Variants in ZEB1 observed in about 807,000 individuals in gnomAD.
ZEB1 encodes the protein zinc finger E-box-binding homeobox 1.
In ZEB1, 21 loss-of-function variants were observed where a neutral mutation model predicts 84.9. That is an observed-to-expected ratio of 0.25 (90% confidence interval 0.18 to 0.36). The LOEUF (loss-of-function observed/expected upper bound fraction) is 0.36. ZEB1 is among the 10% of genes least tolerant of loss of function. The pLI is 1.00. For synonymous variants in ZEB1, 420 were observed against 471.1 expected (o/e 0.89, Z 1.41); for missense variants, 1,104 against 1,330.2 (o/e 0.83, Z 2.65).
rs553914158 is a variant in ZEB1, at chr10:31,449,145, C to T, written c.59-11892C>T. 7.7e-4 allele frequency among the ~76,000 whole-genome samples: 118 copies of T among 152,330 alleles called. 2 individuals are homozygous for T. The highest frequency in any genetic ancestry group is 2.6e-3 in the African/African-American group (110 of 41,580). On this transcript the variant is annotated intron_variant, in intron 1 of 8. Transcript: ENST00000424869. ...CCATTTTTTAAGCCAGTCTGAAAAG[C>T]GCAATATTCGGGTGGGAGTGACCCG...
intron 1 of ZEB1, among the ~76,000 whole-genome samples, chr10:31,409,572 A>T (rs1024488599): frequency 6.6e-6 from 1 of 152,062 alleles, no homozygotes; most frequent in East Asian, 1.9e-4. Flanking sequence ...CTTGATGGGG[A>T]TAACATTCAA....
At chr10:31,391,404 G>A (rs1235615794) in intron 1 of ZEB1, among the ~76,000 whole-genome samples, 1 of 152,086 alleles carries the variant, frequency 6.6e-6, no homozygotes, top group East Asian at 1.9e-4. Flanking sequence ...ACTCTAAGAA[G>A]GAAGGTATTG....
intron 1 of ZEB1, among the ~76,000 whole-genome samples, chr10:31,446,772 G>A (rs1230003886): frequency 6.6e-6 from 1 of 151,114 alleles, no homozygotes; most frequent in South Asian, 2.1e-4. Flanking sequence ...ACTGTGGTCT[G>A]AGAGATAGTT....
intron 1 of ZEB1, among the ~76,000 whole-genome samples, chr10:31,377,284 C>G (rs1003146854): frequency 6.6e-6 from 1 of 151,580 alleles, no homozygotes; most frequent in Non-Finnish European, 1.5e-5. Context: ...TGCTATCCTT[C>G]TACTTAGGCT....
chr10:31,485,627 ATTC>A (rs2065631351), intron 2 of ZEB1, among the ~76,000 whole-genome samples: 1 of 151,894 alleles, frequency 6.6e-6, no homozygotes, highest in Admixed American at 6.6e-5. Context: ...AAACACTCCT[ATTC>A]TTCTGGATTT....
intron 1 of ZEB1, among the ~76,000 whole-genome samples, chr10:31,337,460 A>G (rs1341359724): frequency 2.6e-5 from 4 of 152,100 alleles, no homozygotes; most frequent in Non-Finnish European, 5.9e-5. Flanking sequence ...AATTACTGAT[A>G]GTAATTTATG....
rs377262369 is a variant in ZEB1, at chr10:31,373,376, G to A, written c.58+54084G>A. On this transcript the variant is annotated intron_variant, in intron 1 of 8. Transcript: ENST00000424869. ...AGATAAGAGATTTTACATACTTAAT[G>A]TTGATAAATAGTATAAAAGTATGGA... 3.6e-4 allele frequency among the ~76,000 whole-genome samples: 54 copies of A among 151,882 alleles called. 1 individual carries two copies. In the Middle Eastern group the frequency reaches 0.014, roughly 38 times the overall value.
chr10:31,361,071 T>C, intron 1 of ZEB1: 2 of 1,611,794 alleles, frequency 1.2e-6, no homozygotes. Context: ...TCAGACTTCT[T>C]TTCTCTAAGA....
intron 8 of ZEB1, among the ~76,000 whole-genome samples, chr10:31,525,516 C>T (rs1317599228): frequency 1.3e-5 from 2 of 152,204 alleles, no homozygotes; most frequent in African/African-American, 4.8e-5. Context: ...CTCCAGCACA[C>T]TCCTGTGTCT....
intron 2 of ZEB1, among the ~76,000 whole-genome samples, chr10:31,489,072 G>A (rs993888125): frequency 6.6e-6 from 1 of 151,208 alleles, no homozygotes; most frequent in Non-Finnish European, 1.5e-5. Flanking sequence ...AGTATTAGAA[G>A]CCTGCAAGAA....
intron 1 of ZEB1, among the ~76,000 whole-genome samples, chr10:31,367,231 G>A (rs2044696767): frequency 6.6e-6 from 1 of 152,110 alleles, no homozygotes; most frequent in Non-Finnish European, 1.5e-5. Context: ...TCCCGTTACT[G>A]TATTTATAAG....
intron 2 of ZEB1, among the ~76,000 whole-genome samples, chr10:31,465,242 GATATACA>G (rs1312958671): frequency 1.2e-3 from 189 of 152,018 alleles, no homozygotes; most frequent in African/African-American, 4.3e-3. Flanking sequence ...ATTTTTAATA[GATATACA>G]ATATACAAGT....
chr10:31,496,227 A>G (rs965913801), intron 3 of ZEB1, among the ~76,000 whole-genome samples: 1 of 152,110 alleles, frequency 6.6e-6, no homozygotes, highest in Non-Finnish European at 1.5e-5. Flanking sequence ...CCCACAAGAC[A>G]AAAAGCAGAA....
At chr10:31,516,539 TAAAAAAAAAAAAAAAAAAAAAA>T (rs71027029) in intron 6 of ZEB1, among the ~76,000 whole-genome samples, 357 of 34,082 alleles carry the variant, frequency 0.01, 9 homozygotes, top group African/African-American at 0.03. Flanking sequence ...TGTCTGTAAG[TAAAAAAAAAAAAAAAAAAAAAA>T]AAAAAAAAAA....
intron 1 of ZEB1, among the ~76,000 whole-genome samples, chr10:31,429,983 C>G (rs1228854277): frequency 6.6e-6 from 1 of 151,966 alleles, no homozygotes; most frequent in African/African-American, 2.4e-5. Flanking sequence ...TCAGGTGATC[C>G]ACCCGCCTTG....
chr10:31,339,249 A>G (rs1026911632), intron 1 of ZEB1, among the ~76,000 whole-genome samples: 1 of 152,182 alleles, frequency 6.6e-6, no homozygotes, highest in Non-Finnish European at 1.5e-5. Flanking sequence ...GCTACTTTAA[A>G]TAGCTTAACT....
chr10:31,399,284 CGT>C, intron 1 of ZEB1, among the ~76,000 whole-genome samples: 1 of 152,176 alleles, frequency 6.6e-6, no homozygotes, highest in South Asian at 2.1e-4. Flanking sequence ...TGTGAGCCTC[CGT>C]GCCTGGCCCC....
In ZEB1 at chr10:31,474,324, T is replaced by C. The variant is rs868453986; in HGVS notation, c.259+13087T>C. Among the ~76,000 whole-genome samples, 668 of 151,720 alleles carry C rather than the reference T, an allele frequency of 4.4e-3. 5 individuals are homozygous for C. The highest frequency in any genetic ancestry group is 0.015 in the African/African-American group (628 of 41,068). Reference sequence around the variant, plus strand: ...GCAACCTACTCATCTGACAAAGGGCTAATATCCAGAATCTACAATGAACTC... The same window carrying C: ...GCAACCTACTCATCTGACAAAGGGCCAATATCCAGAATCTACAATGAACTC... On this transcript the variant is annotated intron_variant, in intron 2 of 8. Coordinates refer to ENST00000424869, the MANE Select transcript of ZEB1 (RefSeq NM_001174096.2).
At chr10:31,465,001 A>T (rs2062225548) in intron 2 of ZEB1, among the ~76,000 whole-genome samples, 1 of 152,192 alleles carries the variant, frequency 6.6e-6, no homozygotes, top group South Asian at 2.1e-4. Context: ...AATGAATAAG[A>T]CCTACTATTT....
Sources: gnomAD v4.1 joint callset for allele counts (sites outside exome capture counted in the v4.1 genomes callset) on GRCh38, gnomAD v4.1.1 for gene constraint, MANE v1.5 for transcripts, NCBI Gene and HGNC (gene_info 2026-07-23, HGNC 2026-07-21) for gene names.